KHDC1: variants seen among roughly 807,000 people sequenced by gnomAD.
KHDC1 encodes the protein KH homology domain-containing protein 1.
A neutral mutation model predicts 24.7 loss-of-function variants in KHDC1; 21 were observed. The observed-to-expected ratio is 0.85, with a 90% CI of 0.60 to 1.23. The LOEUF is 1.23. Ranked by LOEUF, KHDC1 falls within the 50% of genes most tolerant of loss-of-function variation. The pLI, the probability that KHDC1 is intolerant of heterozygous loss-of-function variation, is 0.00. For missense variants in KHDC1, 274 were observed against 298.5 expected (o/e 0.92, Z 0.61); for synonymous variants, 98 against 111.7 (o/e 0.88, Z 0.77).
intron 2 of KHDC1, among the ~76,000 whole-genome samples, chr6:73,245,684 A>C (rs1766652081): frequency 6.6e-6 from 1 of 152,134 alleles, no homozygotes; most frequent in African/African-American, 2.4e-5. Context: ...TGGTACAGCA[A>C]GTGTGTTTAT....
At chr6:73,302,913 C>T (rs891634597) in intron 1 of KHDC1, among the ~76,000 whole-genome samples, 6 of 152,090 alleles carry the variant, frequency 3.9e-5, no homozygotes, top group African/African-American at 1.4e-4. Context: ...CCGGTCTCTA[C>T]TAAAAATACA....
chr6:73,292,958 A>C (rs1305960820), intron 1 of KHDC1: 8 of 909,456 alleles, frequency 8.8e-6, no homozygotes, highest in Non-Finnish European at 1.4e-5. Context: ...CCATCTCTTC[A>C]TATTTGAGAC....
At chr6:73,265,117 G>A (rs764526278) in intron 2 of KHDC1, among the ~76,000 whole-genome samples, 18 of 152,188 alleles carry the variant, frequency 1.2e-4, no homozygotes, top group African/African-American at 1.7e-4. Flanking sequence ...TTGAGTGAGT[G>A]TTAGAGTTTG....
intron 2 of KHDC1, among the ~76,000 whole-genome samples, chr6:73,248,325 C>CT (rs2150554032): frequency 6.6e-6 from 1 of 152,214 alleles, no homozygotes; most frequent in South Asian, 2.1e-4. Context: ...CCTCTCTCCT[C>CT]TGTCTTCTAC....
intron 2 of KHDC1, among the ~76,000 whole-genome samples, chr6:73,277,473 A>T (rs1450899269): frequency 6.6e-6 from 1 of 152,182 alleles, no homozygotes; most frequent in South Asian, 2.1e-4. Flanking sequence ...TCCAAAAAAA[A>T]CAGAACAAGT....
intron 2 of KHDC1, among the ~76,000 whole-genome samples, chr6:73,251,796 TTTC>T (rs887862565): frequency 5.3e-5 from 8 of 150,196 alleles, no homozygotes; most frequent in African/African-American, 1.5e-4. Flanking sequence ...TTTCTTTTCT[TTTC>T]TTTTTTTTTT....
intron 2 of KHDC1, chr6:73,275,928 C>T (rs1767284368): frequency 6.5e-6 from 1 of 152,690 alleles, no homozygotes; most frequent in Non-Finnish European, 1.5e-5. Flanking sequence ...CGCGGTGGCT[C>T]ACGCCTGTAT....
chr6:73,283,358 G>A (rs1278746361), intron 2 of KHDC1, among the ~76,000 whole-genome samples: 1 of 151,870 alleles, frequency 6.6e-6, no homozygotes, highest in Admixed American at 6.6e-5. Flanking sequence ...GCAGCTTGTG[G>A]TTTTGTTTAT....
At chr6:73,246,565 G>C (rs953123342) in intron 2 of KHDC1, among the ~76,000 whole-genome samples, 1 of 152,116 alleles carries the variant, frequency 6.6e-6, no homozygotes, top group African/African-American at 2.4e-5. Flanking sequence ...CCCCATTAAA[G>C]TATATTATGA....
intron 1 of KHDC1, chr6:73,292,391 TACTC>T (rs1454078006): frequency 5.1e-6 from 4 of 782,532 alleles, no homozygotes; most frequent in Admixed American, 3.4e-5. Flanking sequence ...ATGTGGGAAT[TACTC>T]AGGAGCAGCA....
At chr6:73,241,611 G>T (rs201705217) in exon 5 of KHDC1, 1 of 1,614,156 alleles carries the variant, frequency 6.2e-7, no homozygotes, top group South Asian at 1.1e-5. Context: ...AAGACACACG[G>T]TTCCACTTAT....
rs1325543538 is a variant in KHDC1 at position 73,250,529 on chromosome 6, AC to A, written c.207-8000del. Among the ~76,000 whole-genome samples the A allele has an allele frequency of 2.6e-5, 4 of 152,350 alleles. No homozygotes were observed. The East Asian group carries it at 7.7e-4, about 29-fold the overall frequency. ...GGTGGAAAGGGAGGCAAACCAAGAAACTGAATTTGAGCCCTTGGCATAATAT... is the reference window on the plus strand; with the variant it reads ...GGTGGAAAGGGAGGCAAACCAAGAAATGAATTTGAGCCCTTGGCATAATAT... On this transcript the variant is annotated intron_variant, in intron 2 of 4. Coordinates refer to ENST00000370384, the Ensembl canonical transcript of KHDC1.
At chr6:73,259,631 C>T (rs1408517824) in intron 2 of KHDC1, among the ~76,000 whole-genome samples, 2 of 152,156 alleles carry the variant, frequency 1.3e-5, no homozygotes, top group African/African-American at 2.4e-5. Context: ...TAGTTACATG[C>T]AGCAAGAAAG....
intron 2 of KHDC1, among the ~76,000 whole-genome samples, chr6:73,244,150 T>A (rs1365789837): frequency 6.6e-6 from 1 of 152,180 alleles, no homozygotes; most frequent in South Asian, 2.1e-4. Flanking sequence ...AAAATATTAT[T>A]AATAAAATAG....
intron 2 of KHDC1, 27 bp from the exon 2 acceptor site, chr6:73,242,557 G>C: frequency 6.2e-7 from 1 of 1,613,748 alleles, no homozygotes; most frequent in Non-Finnish European, 8.5e-7. Flanking sequence ...CCAAGTCCAA[G>C]CAACTGGTTG....
At chr6:73,278,485 G>A (rs1186430591) in intron 2 of KHDC1, among the ~76,000 whole-genome samples, 3 of 152,028 alleles carry the variant, frequency 2.0e-5, no homozygotes, top group African/African-American at 7.2e-5. Context: ...TGGCCTCCCA[G>A]AATGCTGGGA....
intron 1 of KHDC1, among the ~76,000 whole-genome samples, chr6:73,302,243 C>T (rs1767890350): frequency 1.3e-5 from 2 of 152,048 alleles, no homozygotes; most frequent in Non-Finnish European, 2.9e-5. Flanking sequence ...GAGCCGAGAT[C>T]GTGCCATTGC....
chr6:73,272,230 C>G (rs1172270316), intron 2 of KHDC1, among the ~76,000 whole-genome samples: 1 of 151,640 alleles, frequency 6.6e-6, no homozygotes, highest in Admixed American at 6.6e-5. Flanking sequence ...GTGGAGCGAT[C>G]TCGGCTCACT....
At chr6:73,290,707 G>T in intron 2 of KHDC1, 1 of 427,032 alleles carries the variant, frequency 2.3e-6, no homozygotes. Flanking sequence ...ATGTATTGCT[G>T]GTCACTTCAC....
Sources: gnomAD v4.1 joint callset for allele counts (sites outside exome capture counted in the v4.1 genomes callset) on GRCh38, gnomAD v4.1.1 for gene constraint, MANE v1.5 for transcripts, NCBI Gene and HGNC (gene_info 2026-07-23, HGNC 2026-07-21) for gene names.